The following RAB3C variants were observed in gnomAD, a reference collection of about 807,000 sequenced individuals.
The protein encoded by RAB3C is ras-related protein Rab-3C.
RAB3C carries 17 observed loss-of-function variants against 26.4 expected under a neutral mutation model. The observed-to-expected ratio is 0.64, with a 90% CI of 0.44 to 0.97. The LOEUF (loss-of-function observed/expected upper bound fraction) is 0.97, where lower values mean the gene tolerates loss of function less well. Ranked by LOEUF, RAB3C falls within the 50% of genes least tolerant of loss-of-function variation. The probability of loss-of-function intolerance (pLI) is 0.00; values close to 1 mark genes in which losing one functional copy is unlikely to be tolerated. For missense variants in RAB3C, 242 were observed against 281.9 expected, an observed-to-expected ratio of 0.86 and a Z score of 1.01; for synonymous variants, 91 against 95.9, an observed-to-expected ratio of 0.95 and a Z score of 0.30.
In RAB3C at chr5:58,755,843, C is replaced by G. The variant is rs184271526; in HGVS notation, c.371+29723C>G. Among the ~76,000 whole-genome samples the G allele has an allele frequency of 2.7e-4, 41 of 152,178 alleles. 1 individual carries two copies. The highest frequency in any genetic ancestry group is 9.9e-4 in the African/African-American group (41 of 41,512). On this transcript the variant is annotated intron_variant, in intron 3 of 4. Coordinates refer to ENST00000282878, the MANE Select transcript of RAB3C (RefSeq NM_138453.4). ...TTCTACTCTCACCTTTGAATTTAAA[C>G]CAATTTTTAAGTATGCAAAAGAAGA...
intron 4 of RAB3C, among the ~76,000 whole-genome samples, chr5:58,831,611 G>T (rs1380321982): frequency 6.6e-6 from 1 of 152,120 alleles, no homozygotes; most frequent in Non-Finnish European, 1.5e-5. Flanking sequence ...ACTTAAGGCG[G>T]TTCTCATCTG....
intron 2 of RAB3C, among the ~76,000 whole-genome samples, chr5:58,683,354 T>C (rs902350304): frequency 6.7e-6 from 1 of 149,610 alleles, no homozygotes; most frequent in Non-Finnish European, 1.5e-5. Flanking sequence ...TTTGTTATTT[T>C]TCTGTTTAAA....
intron 3 of RAB3C, among the ~76,000 whole-genome samples, chr5:58,789,012 G>A (rs1023565279): frequency 1.3e-5 from 2 of 152,078 alleles, no homozygotes. Flanking sequence ...AAGGAACATG[G>A]GCACGTGAAT....
At chr5:58,607,893 G>T (rs1410866674) in intron 1 of RAB3C, among the ~76,000 whole-genome samples, 1 of 152,100 alleles carries the variant, frequency 6.6e-6, no homozygotes, top group East Asian at 1.9e-4. Flanking sequence ...GAGAGATTTT[G>T]TCACCACCAG....
intron 3 of RAB3C, among the ~76,000 whole-genome samples, chr5:58,800,491 C>T (rs1169405480): frequency 1.3e-5 from 2 of 152,148 alleles, no homozygotes; most frequent in Non-Finnish European, 2.9e-5. Context: ...CTTATTTTCT[C>T]CACCCCTGAA....
chr5:58,593,075 C>T (rs544031735), intron 1 of RAB3C, among the ~76,000 whole-genome samples: 1 of 152,100 alleles, frequency 6.6e-6, no homozygotes. Context: ...CATCCCACAA[C>T]TAACTGAGGC....
chr5:58,705,580 G>C (rs931980887), intron 2 of RAB3C, among the ~76,000 whole-genome samples: 3 of 152,082 alleles, frequency 2.0e-5, no homozygotes, highest in African/African-American at 7.2e-5. Context: ...ATATTAATAA[G>C]GTTAAAGAGA....
chr5:58,814,127 C>T (rs969974010), intron 3 of RAB3C, among the ~76,000 whole-genome samples: 1 of 152,152 alleles, frequency 6.6e-6, no homozygotes, highest in Non-Finnish European at 1.5e-5. Context: ...AGTTCCCTGC[C>T]TAGAAAAGAG....
At chr5:58,589,001 C>T (rs1467986456) in intron 1 of RAB3C, among the ~76,000 whole-genome samples, 1 of 151,992 alleles carries the variant, frequency 6.6e-6, no homozygotes, top group Admixed American at 6.6e-5. Context: ...GAGGGAAGAC[C>T]TTCCGTTTTT....
intron 2 of RAB3C, among the ~76,000 whole-genome samples, chr5:58,622,991 A>ATAAT (rs1746967557): frequency 6.6e-6 from 1 of 152,238 alleles, no homozygotes. Flanking sequence ...TCCATGCTGT[A>ATAAT]TAATTACTCA....
chr5:58,728,841 A>G (rs1740942673), intron 3 of RAB3C, among the ~76,000 whole-genome samples: 1 of 152,032 alleles, frequency 6.6e-6, no homozygotes, highest in Non-Finnish European at 1.5e-5. Flanking sequence ...TTTCACTGAC[A>G]TCATCTCCTA....
chr5:58,851,646 G>A lies in RAB3C; in HGVS notation c.*295G>A, dbSNP rs1744117662. 3.5e-6 allele frequency: 1 copy of A among 284,758 alleles called. No homozygotes were observed. Among genetic ancestry groups the A allele is most frequent in the Non-Finnish European group, 6.5e-6 (1 of 153,346 alleles). 17.6% of individuals were successfully genotyped at this position (284,758 alleles called of 1,614,324 possible). A position where few individuals can be genotyped will look rare whatever the true frequency, so the allele number is the denominator to read the frequency against. On this transcript the variant is annotated 3_prime_UTR_variant, in exon 5 of 5. Coordinates refer to ENST00000282878, the MANE Select transcript of RAB3C (RefSeq NM_138453.4). The stretch of plus-strand genomic sequence containing the variant: ...CAAATTTGTTCTCAGACTACTTCTG[G>A]GACATCAGACTATAATCTCACTACA...
At chr5:58,704,457 G>A (rs946202424) in intron 2 of RAB3C, among the ~76,000 whole-genome samples, 1 of 152,050 alleles carries the variant, frequency 6.6e-6, no homozygotes, top group African/African-American at 2.4e-5. Context: ...TCTATTTCCT[G>A]AAAAGGAAAA....
chr5:58,746,847 C>T (rs563056878), intron 3 of RAB3C, among the ~76,000 whole-genome samples: 1 of 152,232 alleles, frequency 6.6e-6, no homozygotes, highest in East Asian at 1.9e-4. Flanking sequence ...TTAATAACTA[C>T]TGTTGATATT....
chr5:58,591,966 T>G (rs1316345334), intron 1 of RAB3C, among the ~76,000 whole-genome samples: 1 of 150,900 alleles, frequency 6.6e-6, no homozygotes, highest in East Asian at 2.0e-4. Flanking sequence ...TGGCACGATC[T>G]CGGCTCACTG....
chr5:58,662,109 C>T (rs1168402955), intron 2 of RAB3C, among the ~76,000 whole-genome samples: 1 of 149,626 alleles, frequency 6.7e-6, no homozygotes, highest in East Asian at 1.9e-4. Context: ...TGGGAGGTCT[C>T]CTTTAGGTCT....
chr5:58,783,179 C>A (rs984944981), intron 3 of RAB3C, among the ~76,000 whole-genome samples: 1 of 152,094 alleles, frequency 6.6e-6, no homozygotes, highest in African/African-American at 2.4e-5. Flanking sequence ...CATAAATATA[C>A]GCTTATAAAG....
At chr5:58,786,086 C>G (rs1378292889) in intron 3 of RAB3C, among the ~76,000 whole-genome samples, 8 of 152,346 alleles carry the variant, frequency 5.3e-5, no homozygotes, top group African/African-American at 1.9e-4. Flanking sequence ...ACCTACAGAA[C>G]TGTAAGATAA....
chr5:58,789,861 C>G (rs1056166034), intron 3 of RAB3C, among the ~76,000 whole-genome samples: 3 of 152,140 alleles, frequency 2.0e-5, no homozygotes, highest in Non-Finnish European at 4.4e-5. Context: ...AAACATTAGC[C>G]AGACACACCA....
Sources: gnomAD v4.1 joint callset for allele counts (sites outside exome capture counted in the v4.1 genomes callset) on GRCh38, gnomAD v4.1.1 for gene constraint, MANE v1.5 for transcripts, NCBI Gene and HGNC (gene_info 2026-07-23, HGNC 2026-07-21) for gene names.